Variants in ANO5 observed in about 807,000 individuals in gnomAD.
ANO5 encodes the protein anoctamin-5.
In ANO5, 109 loss-of-function variants were observed where a neutral mutation model predicts 121.0. The observed-to-expected ratio is 0.90, with a 90% CI of 0.77 to 1.06. The LOEUF is 1.06. ANO5 is among the 50% of genes least tolerant of loss of function. The probability of loss-of-function intolerance (pLI) is 0.00; values close to 1 mark genes in which losing one functional copy is unlikely to be tolerated. For missense variants in ANO5, 1,064 were observed against 1,078.5 expected (o/e 0.99, Z 0.19); for synonymous variants, 406 against 359.9 (o/e 1.13, Z -1.45).
At chr11:22,218,765 G>T (rs1590233186) in intron 4 of ANO5, among the ~76,000 whole-genome samples, 1 of 151,924 alleles carries the variant, frequency 6.6e-6, no homozygotes. Context: ...GTTTCACCAT[G>T]TTGTCCAGGC....
chr11:22,203,770 T>A (rs1852032471), intron 1 of ANO5, 34 bp from the exon 2 acceptor site: 1 of 1,336,608 alleles, frequency 7.5e-7, no homozygotes, highest in Admixed American at 1.7e-5. Flanking sequence ...CAGTGGCTAA[T>A]TTAACATGTT....
chr11:22,239,623 C>T lies in ANO5; in HGVS notation c.817C>T (p.Leu273Phe), dbSNP rs772929002. The T allele has an allele frequency of 4.0e-5, 64 of 1,612,928 alleles. No homozygotes were observed. The highest frequency in any genetic ancestry group is 5.3e-5 in the Non-Finnish European group (63 of 1,179,248). Residue 273 changes from leucine (L) to phenylalanine (F), a missense_variant, in exon 9 of 22, where the codon CTT (leucine) becomes TTT (phenylalanine). Coordinates refer to ENST00000324559, the MANE Select transcript of ANO5 (RefSeq NM_213599.3). Reference sequence around the variant, plus strand: ...CAATCCTACCAATGAAAGATACACACTTCACCAGAATTGGGCTCGATTTTC... The same window carrying T: ...CAATCCTACCAATGAAAGATACACATTTCACCAGAATTGGGCTCGATTTTC... The part of the protein sequence containing the change: ...PPNPTNERYT[L>F]HQNWARFSYF...
intron 18 of ANO5, among the ~76,000 whole-genome samples, chr11:22,272,288 T>C (rs1347786365): frequency 1.4e-5 from 2 of 140,104 alleles, no homozygotes; most frequent in Non-Finnish European, 3.0e-5. Context: ...AGAAAATGTA[T>C]ATTTCCTTTT....
intron 21 of ANO5, among the ~76,000 whole-genome samples, chr11:22,277,262 G>C (rs190173333): frequency 6.6e-6 from 1 of 151,512 alleles, no homozygotes; most frequent in East Asian, 1.9e-4. Flanking sequence ...TATTTTTTTG[G>C]TCTCATTCTG....
Position 22,259,463 on chromosome 11 carries a change from T to C in ANO5, c.1408-56T>C, listed in dbSNP as rs1167901780. ...CAGAATAATCAATATGTTAGATATA[T>C]ATTCATAACAGAGATACAGAGACCC... On this transcript the variant is annotated intron_variant, in intron 14 of 21. Transcript: ENST00000324559. 3 of 1,467,372 alleles carry C rather than the reference T, an allele frequency of 2.0e-6. No homozygotes were observed. In the African/African-American group the frequency reaches 4.2e-5, roughly 20 times the overall value. 90.9% of individuals were successfully genotyped at this position (1,467,372 alleles called of 1,614,324 possible).
intron 17 of ANO5, 43 bp from the exon 18 acceptor site, chr11:22,270,269 T>G (rs777857585): frequency 6.2e-7 from 1 of 1,611,498 alleles, no homozygotes; most frequent in Non-Finnish European, 8.5e-7. Flanking sequence ...ATCGCTTTCT[T>G]TTTGGTCCTA....
At chr11:22,222,972 G>A (rs1436745576) in intron 5 of ANO5, among the ~76,000 whole-genome samples, 2 of 151,896 alleles carry the variant, frequency 1.3e-5, no homozygotes, top group East Asian at 3.9e-4. Flanking sequence ...CTGTTTCATT[G>A]AGAAAACTGA....
At chr11:22,202,568 T>G (rs975587679) in intron 1 of ANO5, among the ~76,000 whole-genome samples, 1 of 152,158 alleles carries the variant, frequency 6.6e-6, no homozygotes, top group Non-Finnish European at 1.5e-5. Context: ...ATCATGGTAC[T>G]GAACTCAGTG....
chr11:22,239,213 A>C (rs1333352849), intron 8 of ANO5, among the ~76,000 whole-genome samples: 1 of 152,086 alleles, frequency 6.6e-6, no homozygotes, highest in African/African-American at 2.4e-5. Context: ...CATCTATAAA[A>C]AAAAGTGTTA....
chr11:22,274,357 T>G (rs1854750547), intron 19 of ANO5, among the ~76,000 whole-genome samples: 1 of 152,118 alleles, frequency 6.6e-6, no homozygotes, highest in African/African-American at 2.4e-5. Context: ...ACTTAGCCAC[T>G]TTGTAGCTAT....
intron 7 of ANO5, among the ~76,000 whole-genome samples, chr11:22,228,655 TC>T (rs1378788054): frequency 1.3e-5 from 2 of 151,886 alleles, no homozygotes; most frequent in Non-Finnish European, 2.9e-5. Context: ...CCCTACCTCT[TC>T]CCATTCTCTG....
intron 13 of ANO5, among the ~76,000 whole-genome samples, chr11:22,257,276 G>A (rs1029841068): frequency 6.6e-6 from 1 of 152,062 alleles, no homozygotes; most frequent in South Asian, 2.1e-4. Context: ...TATAAAGAAA[G>A]CATCTAATTT....
In ANO5 at chr11:22,251,105, C is replaced by G. The variant is rs1853801233; in HGVS notation, c.1180+94C>G. 1.3e-5 allele frequency: 17 copies of G among 1,259,460 alleles called. 1 individual carries two copies. In the South Asian group the frequency reaches 2.0e-4, roughly 15 times the overall value. The allele number at this position is 1,259,460 out of a possible 1,614,324, so 78.0% of individuals were successfully genotyped here. A position where few individuals can be genotyped will look rare whatever the true frequency, so the allele number is the denominator to read the frequency against. On this transcript the variant is annotated intron_variant, in intron 12 of 21. Transcript: ENST00000324559. ...TATGACAGATGAAATATCTTACATACCAAATGTGGTTTTAGATCATTGTGT... is the reference window on the plus strand; with the variant it reads ...TATGACAGATGAAATATCTTACATAGCAAATGTGGTTTTAGATCATTGTGT...
chr11:22,213,317 G>A lies in ANO5; in HGVS notation c.138+2003G>A, dbSNP rs544662655. Reference sequence around the variant, plus strand: ...ATGCAGCATTGCACTTAGTAGTCATGTCTCCTCAGGCTCCTCTTGGTTGGG... The same window carrying A: ...ATGCAGCATTGCACTTAGTAGTCATATCTCCTCAGGCTCCTCTTGGTTGGG... On this transcript the variant is annotated intron_variant, in intron 3 of 21. Coordinates refer to ENST00000324559, the MANE Select transcript of ANO5 (RefSeq NM_213599.3). 6.6e-5 allele frequency among the ~76,000 whole-genome samples: 10 copies of A among 151,904 alleles called. No individual in the cohort carries two copies. In the East Asian group the frequency reaches 1.9e-3, roughly 30 times the overall value.
At chr11:22,254,268 T>C (rs572790700) in intron 12 of ANO5, among the ~76,000 whole-genome samples, 1 of 152,284 alleles carries the variant, frequency 6.6e-6, no homozygotes, top group South Asian at 2.1e-4. Flanking sequence ...ATATCATCCA[T>C]AGTTCCTTAC....
In ANO5 at chr11:22,246,882, A is replaced by G. The variant is rs530318070; in HGVS notation, c.879-3355A>G. Among the ~76,000 whole-genome samples the G allele has an allele frequency of 2.0e-5, 3 of 149,356 alleles. No homozygotes were observed. The South Asian group carries it at 6.4e-4, about 32-fold the overall frequency. ...AAAAAAAAAAAAAAAAAAAAAAAGC[A>G]AAAAAGAAAAGAATTTATTCATATA... On this transcript the variant is annotated intron_variant, in intron 9 of 21. Coordinates refer to ENST00000324559, the MANE Select transcript of ANO5 (RefSeq NM_213599.3).
intron 2 of ANO5, among the ~76,000 whole-genome samples, chr11:22,206,533 C>T (rs1290390522): frequency 2.0e-5 from 3 of 151,970 alleles, no homozygotes; most frequent in African/African-American, 7.2e-5. Flanking sequence ...AGGCTGGTCT[C>T]GAACTCCTGA....
chr11:22,195,443 T>G (rs1176938105), intron 1 of ANO5, among the ~76,000 whole-genome samples: 2 of 152,084 alleles, frequency 1.3e-5, no homozygotes, highest in Non-Finnish European at 2.9e-5. Context: ...TTTTTTTATT[T>G]TTTGAGACAG....
chr11:22,252,633 G>A (rs1159206712), intron 12 of ANO5, among the ~76,000 whole-genome samples: 1 of 151,892 alleles, frequency 6.6e-6, no homozygotes, highest in African/African-American at 2.4e-5. Flanking sequence ...TTTTCAGTTT[G>A]TAATTTACAT....
Sources: gnomAD v4.1 joint callset for allele counts (sites outside exome capture counted in the v4.1 genomes callset) on GRCh38, gnomAD v4.1.1 for gene constraint, MANE v1.5 for transcripts, NCBI Gene and HGNC (gene_info 2026-07-23, HGNC 2026-07-21) for gene names.